The following GALNT8 variants were observed in gnomAD, a reference collection of about 807,000 sequenced individuals.
GALNT8 encodes polypeptide N-acetylgalactosaminyltransferase 8.
Under a neutral mutation model 62.7 loss-of-function variants are expected in GALNT8, and 66 were observed. The observed-to-expected ratio is 1.05, with a 90% CI of 0.86 to 1.29. The LOEUF (loss-of-function observed/expected upper bound fraction) is 1.29, where lower values mean the gene tolerates loss of function less well. Among genes scored for constraint, GALNT8 ranks in the 50% most tolerant of loss-of-function variants. The pLI is 0.00. For missense variants in GALNT8, 771 were observed against 791.8 expected, an observed-to-expected ratio of 0.97 and a Z score of 0.32; for synonymous variants, 288 against 294.3, an observed-to-expected ratio of 0.98 and a Z score of 0.22.
intron 3 of GALNT8, among the ~76,000 whole-genome samples, 175 bp downstream of exon 3, chr12:4,739,504 A>G (rs1946261552): frequency 6.6e-6 from 1 of 152,196 alleles, no homozygotes; most frequent in Non-Finnish European, 1.5e-5. Flanking sequence ...TCACAAAGTC[A>G]AGACAGAGGA....
At position 4,726,660 on chromosome 12, in the gene GALNT8, A is replaced by T. The variant is rs747219258; in HGVS notation, c.340A>T (p.Thr114Ser). The T allele has an allele frequency of 3.1e-6, 5 of 1,613,736 alleles. No homozygotes were observed. The Admixed American group carries it at 8.3e-5, about 27-fold the overall frequency. ...TKVNETKKHK[T>S]QMKLFPHSQL... ...GGTGAATGAGACAAAGAAGCACAAA[A>T]CCCAAATGAAACTCTTCCCACACTC... Residue 114 changes from threonine (T) to serine (S), a missense_variant, in exon 2 of 11, where the codon ACC (threonine) becomes TCC (serine). By Grantham distance (58) the Thr-to-Ser change is moderately conservative. Transcript: ENST00000252318. This position sits in a 1 kb window ranked among gnomAD's most constrained non-coding sequence, Gnocchi z 4.1.
chr12:4,772,694 A>G lies in GALNT8; in HGVS notation c.*97A>G. On this transcript the variant is annotated 3_prime_UTR_variant, in exon 11 of 11. Transcript: ENST00000252318. ...CTTCTTTCTCAATGAGAAAGAAAGC[A>G]TGTGTATGTCTGTTTATGGCGACTT... is the stretch of plus-strand genomic sequence containing the variant. 2.0e-6 allele frequency: 2 copies of G among 986,040 alleles called. No individual in the cohort carries two copies. Among genetic ancestry groups the G allele is most frequent in the Non-Finnish European group, 3.1e-6 (2 of 649,538 alleles). 61.1% of individuals were successfully genotyped at this position (986,040 alleles called of 1,614,324 possible). A position where few individuals can be genotyped will look rare whatever the true frequency, so the allele number is the denominator to read the frequency against.
At chr12:4,730,005 C>G (rs1267069311) in intron 2 of GALNT8, among the ~76,000 whole-genome samples, 2 of 152,030 alleles carry the variant, frequency 1.3e-5, no homozygotes, top group African/African-American at 2.4e-5. Context: ...TCATAAAGCT[C>G]TTGGCCATTT....
At position 4,749,072 on chromosome 12, in the gene GALNT8, C is replaced by A; in HGVS notation, c.1173+2814C>A. ...TGTATGTTGATTGTCCATCCTGCAA[C>A]TTTACTGAATTTATCAGTTCGAATA... On this transcript the variant is annotated intron_variant, in intron 6 of 10. Transcript: ENST00000252318. The surrounding 1 kb of genome is among the most constrained non-coding windows in gnomAD (Gnocchi z 4.1). 6.6e-6 allele frequency among the ~76,000 whole-genome samples: 1 copy of A among 152,166 alleles called. No individual in the cohort carries two copies. Among genetic ancestry groups the A allele is most frequent in the Admixed American group, 6.5e-5 (1 of 15,272 alleles).
At chr12:4,757,518 G>A (rs1426757400) in intron 6 of GALNT8, among the ~76,000 whole-genome samples, 1 of 152,144 alleles carries the variant, frequency 6.6e-6, no homozygotes, top group Non-Finnish European at 1.5e-5. Flanking sequence ...CTTTTATTTG[G>A]TGGTCCTGCC....
chr12:4,733,364 A>G (rs1042946226), intron 2 of GALNT8, among the ~76,000 whole-genome samples: 3 of 152,206 alleles, frequency 2.0e-5, no homozygotes, highest in African/African-American at 4.8e-5. Context: ...CACGGGAGGC[A>G]CATTTCCTAC....
At chr12:4,768,686 G>A (rs957054677) in intron 10 of GALNT8, among the ~76,000 whole-genome samples, 10 of 152,180 alleles carry the variant, frequency 6.6e-5, no homozygotes, top group African/African-American at 9.7e-5. Context: ...GGAGGTGATC[G>A]TGTAATTTCT....
chr12:4,751,958 A>T (rs556182337), intron 6 of GALNT8, among the ~76,000 whole-genome samples: 14 of 152,292 alleles, frequency 9.2e-5, no homozygotes, highest in African/African-American at 3.4e-4. Context: ...TATATTTAAA[A>T]TTGTTATAGC....
chr12:4,720,828 A>G lies in GALNT8; in HGVS notation c.151A>G (p.Lys51Glu), dbSNP rs1330279841. ...CAGGGAGCTTCCTTTACATCTGAAT[A>G]AACGCTACGGGGCAGTGATAAAGAG... Reference protein sequence around the residue: ...LHRELPLHLNKRYGAVIKRLS... With the variant: ...LHRELPLHLNERYGAVIKRLS... Residue 51 changes from lysine to glutamate, a missense_variant, in exon 1 of 11, where the codon AAA becomes GAA. Physicochemically the swap from Lys to Glu is moderately conservative, Grantham distance 56 (BLOSUM62 1). Transcript: ENST00000252318. 6.2e-7 allele frequency: 1 copy of G among 1,612,502 alleles called. No homozygotes were observed. Among genetic ancestry groups the G allele is most frequent in the Non-Finnish European group, 8.5e-7 (1 of 1,178,518 alleles).
chr12:4,751,762 A>G (rs1380409379), intron 6 of GALNT8, among the ~76,000 whole-genome samples: 1 of 152,106 alleles, frequency 6.6e-6, no homozygotes, highest in Non-Finnish European at 1.5e-5. Flanking sequence ...TATCTATTAG[A>G]TACACTTTGT....
intron 6 of GALNT8, among the ~76,000 whole-genome samples, chr12:4,755,225 A>G (rs1386671148): frequency 6.6e-6 from 1 of 152,190 alleles, no homozygotes; most frequent in Non-Finnish European, 1.5e-5. Context: ...TAGAGACTCA[A>G]AGCACTTTAG....
At chr12:4,733,344 C>A (rs1946228774) in intron 2 of GALNT8, among the ~76,000 whole-genome samples, 1 of 152,128 alleles carries the variant, frequency 6.6e-6, no homozygotes, top group Non-Finnish European at 1.5e-5. Flanking sequence ...AGAGATTATT[C>A]TTTTGGAACC....
rs1269817662 is a variant in GALNT8 at position 4,746,249 on chromosome 12, T to TAGCCTGAGGGTGGGTACATTTCC, written c.1165_1173+14dup. The TAGCCTGAGGGTGGGTACATTTCC allele has an allele frequency of 1.3e-6, 2 of 1,575,946 alleles. No individual in the cohort carries two copies. Among genetic ancestry groups the TAGCCTGAGGGTGGGTACATTTCC allele is most frequent in the African/African-American group, 1.3e-5 (1 of 74,144 alleles). ...TCTATGGAGGAGAGAACGTGGAGCT[T>TAGCCTGAGGGTGGGTACATTTCC]AGCCTGAGGGTGGGTACATTTCCCT... On this transcript the variant is annotated frameshift_variant, in exon 6 of 11. Coordinates refer to ENST00000252318, the MANE Select transcript of GALNT8 (RefSeq NM_017417.2). LOFTEE classifies it high-confidence loss of function.
At position 4,720,564 on chromosome 12, in the gene GALNT8, C is replaced by T; in HGVS notation, c.-114C>T. The T allele has an allele frequency of 1.3e-6, 1 of 750,230 alleles. No individual in the cohort carries two copies. Among genetic ancestry groups the T allele is most frequent in the Non-Finnish European group, 2.4e-6 (1 of 424,466 alleles). 46.5% of individuals were successfully genotyped at this position (750,230 alleles called of 1,614,324 possible). A position where few individuals can be genotyped will look rare whatever the true frequency, so the allele number is the denominator to read the frequency against. On this transcript the variant is annotated 5_prime_UTR_variant, in exon 1 of 11. Transcript: ENST00000252318. Reference sequence around the variant, plus strand: ...GTGTCTCACACAGGGGAGACCAACTCAACTGGCACCTAGAACTCTCTTTCC... The same window carrying T: ...GTGTCTCACACAGGGGAGACCAACTTAACTGGCACCTAGAACTCTCTTTCC...
intron 2 of GALNT8, among the ~76,000 whole-genome samples, chr12:4,738,220 A>C (rs1446067858): frequency 6.6e-6 from 1 of 152,248 alleles, no homozygotes; most frequent in Non-Finnish European, 1.5e-5. Flanking sequence ...GTGGATATCT[A>C]GATGCAAAAT....
intron 3 of GALNT8, among the ~76,000 whole-genome samples, chr12:4,742,053 C>T (rs1180987232): frequency 6.6e-6 from 1 of 152,248 alleles, no homozygotes; most frequent in Admixed American, 6.5e-5. Context: ...GACTCAACCA[C>T]TTCTCACCTC....
chr12:4,723,010 G>A (rs986155238), intron 1 of GALNT8, among the ~76,000 whole-genome samples: 2 of 151,922 alleles, frequency 1.3e-5, no homozygotes, highest in Admixed American at 1.3e-4. Context: ...TGGGAGAGAA[G>A]GAGAGAATAA....
intron 2 of GALNT8, among the ~76,000 whole-genome samples, chr12:4,737,634 C>T (rs990745431): frequency 2.0e-5 from 3 of 152,176 alleles, no homozygotes; most frequent in Non-Finnish European, 4.4e-5. Flanking sequence ...TGTTTGTCTT[C>T]TCTGAAACTC....
At chr12:4,770,512 T>G (rs1191474700) in intron 10 of GALNT8, among the ~76,000 whole-genome samples, 1 of 152,088 alleles carries the variant, frequency 6.6e-6, no homozygotes, top group Non-Finnish European at 1.5e-5. Context: ...CACAATAATT[T>G]ATTGTGACCA....
Sources: gnomAD v4.1 joint callset for allele counts (sites outside exome capture counted in the v4.1 genomes callset) on GRCh38, gnomAD v4.1.1 for gene constraint, Gnocchi (gnomAD v3.1) non-coding constraint, MANE v1.5 for transcripts, NCBI Gene and HGNC (gene_info 2026-07-23, HGNC 2026-07-21) for gene names.